The following LZTR1 variants were observed in gnomAD, a reference collection of about 807,000 sequenced individuals.
LZTR1 encodes the protein leucine zipper like post translational regulator 1.
In LZTR1, 260 loss-of-function variants were observed where a neutral mutation model predicts 105.7. The observed-to-expected ratio is 2.46, with a 90% CI of 2.22 to 2.72. The LOEUF is 2.72. Ranked by LOEUF, LZTR1 falls within the 30% of genes most tolerant of loss-of-function variation. LZTR1 has a pLI of 0.00. For synonymous variants in LZTR1, 490 were observed against 476.4 expected (o/e 1.03, Z -0.37); for missense variants, 1,214 against 1,166.9 (o/e 1.04, Z -0.59).
rs141610191 is a variant in LZTR1 at position 20,994,562 on chromosome 22, T to C, written c.1620T>C (p.His540=). The C allele has an allele frequency of 2.8e-4, 445 of 1,609,662 alleles. 2 individuals are homozygous for C. The African/African-American group carries it at 5.4e-3, about 20-fold the overall frequency. The change falls in exon 15 of 21, where the codon CAT becomes CAC. Residue 540 remains histidine (H), a synonymous_variant. Transcript: ENST00000646124. The part of the protein sequence containing the change: ...TDKIKYPRKG[H]VEDVLLIMDV... ...TTCGGGGGCTCTGGGGCGCAGGCCA[T>C]GTGGAGGATGTGCTGCTCATCATGG...
intron 4 of LZTR1, 60 bp from the exon 5 acceptor site, chr22:20,987,949 AG>A: frequency 9.9e-7 from 1 of 1,015,176 alleles, no homozygotes; most frequent in Middle Eastern, 2.1e-4. Flanking sequence ...TCCACCTTCC[AG>A]GGTTTGAAAT....
chr22:20,992,127 A>T (rs1924627406), intron 9 of LZTR1, 87 bp from the exon 10 acceptor site: 2 of 1,348,078 alleles, frequency 1.5e-6, no homozygotes, highest in Non-Finnish European at 1.0e-6. Flanking sequence ...TTCAGAACCC[A>T]CTCTCAAGGC....
rs764896244 is a variant in LZTR1, at chr22:20,989,833, C to T, written c.651+151C>T. The T allele has an allele frequency of 4.8e-4, 391 of 817,744 alleles. 1 individual carries two copies. Among genetic ancestry groups the T allele is most frequent in the Non-Finnish European group, 7.1e-4 (363 of 507,798 alleles). The allele number at this position is 817,744 out of a possible 1,614,324, so 50.7% of individuals were successfully genotyped here. A position where few individuals can be genotyped will look rare whatever the true frequency, so the allele number is the denominator to read the frequency against. ...GGAGCCAGGCTGGGGGTCGAGGCTG[C>T]TTTCTTCCCCTTGCAAAGCCCAGCC... On this transcript the variant is annotated intron_variant, in intron 7 of 20. Coordinates refer to ENST00000646124, the MANE Select transcript of LZTR1 (RefSeq NM_006767.4).
intron 18 of LZTR1, 147 bp from the exon 19 acceptor site, chr22:20,996,549 G>C (rs1007138694): frequency 1.6e-6 from 1 of 642,808 alleles, no homozygotes; most frequent in Non-Finnish European, 2.8e-6. Context: ...CCTGAATGGG[G>C]CCTTTGACCC....
Position 20,994,696 on chromosome 22 carries a change from GT to G in LZTR1, c.1755del (p.Ser585ArgfsTer7), listed in dbSNP as rs1375398128. The G allele has an allele frequency of 6.2e-7, 1 of 1,612,414 alleles. No homozygotes were observed. Among genetic ancestry groups the G allele is most frequent in the African/African-American group, 1.3e-5 (1 of 74,938 alleles). On this transcript the variant is annotated frameshift_variant, in exon 15 of 21. Coordinates refer to ENST00000646124, the MANE Select transcript of LZTR1 (RefSeq NM_006767.4). LOFTEE classifies it high-confidence loss of function. ...CAGAACGTGCTGGTTGTGTGCGAGAGTGCCGCCCGGCTGCAGCTGAGCCAAC... is the reference window on the plus strand; with the variant it reads ...CAGAACGTGCTGGTTGTGTGCGAGAGGCCGCCCGGCTGCAGCTGAGCCAAC... ...DLQNVLVVCESAARLQLSQLK... is the reference protein window; with the variant it reads ...DLQNVLVVCEXAARLQLSQLK...
chr22:20,990,448 C>T lies in LZTR1; in HGVS notation c.714C>T (p.Asp238=), dbSNP rs899390523. 5 of 1,613,968 alleles carry T rather than the reference C, an allele frequency of 3.1e-6. No individual in the cohort carries two copies. Among genetic ancestry groups the T allele is most frequent in the Non-Finnish European group, 3.4e-6 (4 of 1,180,006 alleles). ...ACTTCCCCGTGGCTGTGTGCCGGGACAAGATGTTTGTATTCTCTGGGCAAA... is the reference window on the plus strand; with the variant it reads ...ACTTCCCCGTGGCTGTGTGCCGGGATAAGATGTTTGTATTCTCTGGGCAAA... The part of the protein sequence containing the change: ...CCNFPVAVCR[D]KMFVFSGQSG... Residue 238 remains aspartate, a synonymous_variant, in exon 8 of 21, where the codon GAC becomes GAT. Coordinates refer to ENST00000646124, the MANE Select transcript of LZTR1 (RefSeq NM_006767.4).
Position 20,991,969 on chromosome 22 carries a change from C to T in LZTR1, c.993+140C>T, listed in dbSNP as rs1001515477. 6 of 853,328 alleles carry T rather than the reference C, an allele frequency of 7.0e-6. No individual in the cohort carries two copies. In the African/African-American group the frequency reaches 1.0e-4, roughly 15 times the overall value. The allele number at this position is 853,328 out of a possible 1,614,324, so 52.9% of individuals were successfully genotyped here. A position where few individuals can be genotyped will look rare whatever the true frequency, so the allele number is the denominator to read the frequency against. On this transcript the variant is annotated intron_variant, in intron 9 of 20. Coordinates refer to ENST00000646124, the MANE Select transcript of LZTR1 (RefSeq NM_006767.4). ...GAGCAAGGCCAGGACACCTGGGCCT[C>T]AGCCCTGGACACCTGCCCCGGCCTC...
chr22:20,996,148 C>T (rs376828784), intron 18 of LZTR1, 36 bp downstream of exon 18: 11 of 1,602,560 alleles, frequency 6.9e-6, no homozygotes, highest in Non-Finnish European at 7.7e-6. Context: ...CAGGTCCCCA[C>T]CAAGGGGTCC....
At position 20,996,597 on chromosome 22, in the gene LZTR1, C is replaced by T. The variant is rs139874588; in HGVS notation, c.2220-99C>T. 6.7e-3 allele frequency: 5,939 copies of T among 886,680 alleles called. 43 individuals carry two copies. The highest frequency in any genetic ancestry group is 9.1e-3 in the Non-Finnish European group (4,959 of 545,000). The allele number at this position is 886,680 out of a possible 1,614,324, so 54.9% of individuals were successfully genotyped here. A position where few individuals can be genotyped will look rare whatever the true frequency, so the allele number is the denominator to read the frequency against. On this transcript the variant is annotated intron_variant, in intron 18 of 20. Transcript: ENST00000646124. ...AGAATCCATTTGGAGAGCATGCTGGCGTGGGGGCTTGGGGCTCCAGCTGCG... is the reference window on the plus strand; with the variant it reads ...AGAATCCATTTGGAGAGCATGCTGGTGTGGGGGCTTGGGGCTCCAGCTGCG...
At position 20,998,092 on chromosome 22, in the gene LZTR1, C is replaced by T. The variant is rs957502507; in HGVS notation, c.*744C>T. 1.3e-5 allele frequency: 2 copies of T among 152,354 alleles called. No homozygotes were observed. The highest frequency in any genetic ancestry group is 1.3e-4 in the Admixed American group (2 of 15,286). The allele number at this position is 152,354 out of a possible 1,614,324, so 9.4% of individuals were successfully genotyped here. On this transcript the variant is annotated 3_prime_UTR_variant, in exon 21 of 21. Transcript: ENST00000646124. Reference sequence around the variant, plus strand: ...GAGTATTCTGTCACAGACAAGCCTCCATTAAAGCCACAGCAGTGCTACCCA... The same window carrying T: ...GAGTATTCTGTCACAGACAAGCCTCTATTAAAGCCACAGCAGTGCTACCCA...
rs756485244 is a variant in LZTR1 at position 20,982,397 on chromosome 22, G to T, written c.26G>T (p.Gly9Val). 66 of 1,560,822 alleles carry T rather than the reference G, an allele frequency of 4.2e-5. 1 individual carries two copies. The highest frequency in any genetic ancestry group is 1.7e-4 in the Middle Eastern group (1 of 5,986). The change falls in exon 1 of 21, where the codon GGG (glycine) becomes GTG (valine). Residue 9 changes from glycine to valine, a missense_variant. Transcript: ENST00000646124. ...ATGGCTGGACCGGGCAGCACGGGGG[G>T]GCAGATCGGGGCTGCGGCCCTGGCA... MAGPGSTGGQIGAAALAGG... is the reference protein window; with the variant it reads MAGPGSTGVQIGAAALAGG...
intron 2 of LZTR1, 31 bp from the exon 3 acceptor site, chr22:20,985,809 TA>T: frequency 6.2e-7 from 1 of 1,612,014 alleles, no homozygotes; most frequent in South Asian, 1.1e-5. Context: ...TAGACCTGGC[TA>T]ATGCCACCCT....
rs528989818 is a variant in LZTR1, at chr22:20,988,674, C to T, written c.510-115C>T. ...TGTGGAGGTCCTGAAGCCCCAGTGT[C>T]GGGTGGATGTAGCCATGCAGCCTGG... On this transcript the variant is annotated intron_variant, in intron 5 of 20. Coordinates refer to ENST00000646124, the MANE Select transcript of LZTR1 (RefSeq NM_006767.4). The T allele has an allele frequency of 4.0e-4, 288 of 728,342 alleles. 1 individual carries two copies. Among genetic ancestry groups the T allele is most frequent in the South Asian group, 3.7e-3 (239 of 65,466 alleles). 45.1% of individuals were successfully genotyped at this position (728,342 alleles called of 1,614,324 possible). A position where few individuals can be genotyped will look rare whatever the true frequency, so the allele number is the denominator to read the frequency against.
In LZTR1 at chr22:20,992,914, C is replaced by T; in HGVS notation, c.1260+10C>T. Reference sequence around the variant, plus strand: ...GATGTACAGGTTCCAGGTGTGGGGCCTGTGGGCCTGTAGAGCCGGCTGGGT... The same window carrying T: ...GATGTACAGGTTCCAGGTGTGGGGCTTGTGGGCCTGTAGAGCCGGCTGGGT... On this transcript the variant is annotated intron_variant, in intron 11 of 20. Coordinates refer to ENST00000646124, the MANE Select transcript of LZTR1 (RefSeq NM_006767.4). 6.4e-7 allele frequency: 1 copy of T among 1,558,780 alleles called. No homozygotes were observed. The highest frequency in any genetic ancestry group is 1.4e-5 in the African/African-American group (1 of 73,962).
Position 20,985,892 on chromosome 22 carries a change from G to T in LZTR1, c.315G>T (p.Trp105Cys). Residue 105 changes from tryptophan (W) to cysteine (C), a missense_variant, in exon 3 of 21, where the codon TGG becomes TGT. Transcript: ENST00000646124. ...LLRFDVKDCS[W>C]CRAFTTGTPP... Reference sequence around the variant, plus strand: ...GGTTCGATGTGAAAGACTGCTCCTGGTGCAGGTGGGTGGCCCCGTGCTCCA... The same window carrying T: ...GGTTCGATGTGAAAGACTGCTCCTGTTGCAGGTGGGTGGCCCCGTGCTCCA... 1 of 1,614,122 alleles carries T rather than the reference G, an allele frequency of 6.2e-7. No individual in the cohort carries two copies. Among genetic ancestry groups the T allele is most frequent in the Non-Finnish European group, 8.5e-7 (1 of 1,180,016 alleles).
At chr22:20,984,810 G>T (rs1212402167) in intron 2 of LZTR1, among the ~76,000 whole-genome samples, 3 of 152,212 alleles carry the variant, frequency 2.0e-5, no homozygotes, top group Non-Finnish European at 4.4e-5. Flanking sequence ...CGGGGCACTG[G>T]GCTCCTGTCA....
At chr22:20,995,373 T>C in intron 16 of LZTR1, 1 of 610,350 alleles carries the variant, frequency 1.6e-6, no homozygotes, top group Non-Finnish European at 3.2e-6. Context: ...CACAGGCCCC[T>C]TCATTCCCCC....
At chr22:20,992,125 C>A in intron 9 of LZTR1, 89 bp from the exon 10 acceptor site, 1 of 1,324,960 alleles carries the variant, frequency 7.5e-7, no homozygotes, top group Non-Finnish European at 1.0e-6. Flanking sequence ...CTTTCAGAAC[C>A]CACTCTCAAG....
chr22:20,988,815 G>A lies in LZTR1; in HGVS notation c.536G>A (p.Gly179Glu), dbSNP rs2147962691. The part of the protein sequence containing the change: ...GRLPVARSAH[G>E]ATVYSDKLWI... ...TTGCCAGTCGCTAGGTCAGCCCATG[G>A]GGCCACGGTGTACAGTGACAAGCTG... Residue 179 changes from glycine (G) to glutamate (E), a missense_variant, in exon 6 of 21, where the codon GGG (glycine) becomes GAG (glutamate). Gly to Glu is a moderately conservative substitution (Grantham distance 98). Coordinates refer to ENST00000646124, the MANE Select transcript of LZTR1 (RefSeq NM_006767.4). 1.2e-6 allele frequency: 2 copies of A among 1,614,132 alleles called. No individual in the cohort carries two copies. Among genetic ancestry groups the A allele is most frequent in the Non-Finnish European group, 1.7e-6 (2 of 1,180,018 alleles).
Sources: allele counts gnomAD v4.1 joint callset (sites outside exome capture counted in the v4.1 genomes callset), GRCh38; gene constraint gnomAD v4.1.1; transcripts MANE v1.5; gene names NCBI Gene and HGNC (gene_info 2026-07-23, HGNC 2026-07-21).